The following BTBD9 variants were observed in gnomAD, a reference collection of about 807,000 sequenced individuals.
BTBD9 encodes BTB/POZ domain-containing protein 9.
Under a neutral mutation model 64.3 loss-of-function variants are expected in BTBD9, and 49 were observed. The observed-to-expected ratio is 0.76, with a 90% CI of 0.61 to 0.97. The LOEUF (loss-of-function observed/expected upper bound fraction) is 0.97. Ranked by LOEUF, BTBD9 falls within the 50% of genes least tolerant of loss-of-function variation. BTBD9 has a pLI of 0.00. For synonymous variants in BTBD9, 260 were observed against 274.7 expected (o/e 0.95, Z 0.53); for missense variants, 598 against 762.1 (o/e 0.78, Z 2.53).
intron 6 of BTBD9, among the ~76,000 whole-genome samples, chr6:38,350,481 G>C (rs1764458177): frequency 6.6e-6 from 1 of 152,152 alleles, no homozygotes; most frequent in Non-Finnish European, 1.5e-5. Flanking sequence ...TTAGTTATGT[G>C]ATCACCTAAC....
At chr6:38,283,972 T>G (rs1394078408) in intron 8 of BTBD9, among the ~76,000 whole-genome samples, 3 of 152,212 alleles carry the variant, frequency 2.0e-5, no homozygotes, top group South Asian at 2.1e-4. Flanking sequence ...TAAATGTCTA[T>G]CTGGCCACAT....
chr6:38,288,851 T>G (rs1034290474), intron 7 of BTBD9, among the ~76,000 whole-genome samples: 16 of 152,084 alleles, frequency 1.1e-4, no homozygotes, highest in African/African-American at 3.6e-4. Flanking sequence ...TGCTTGAACC[T>G]GGGAGGCAGA....
At chr6:38,558,289 C>G (rs1562338190) in intron 6 of BTBD9, among the ~76,000 whole-genome samples, 1 of 151,664 alleles carries the variant, frequency 6.6e-6, no homozygotes, top group African/African-American at 2.4e-5. Context: ...GGTCTAGGAG[C>G]CTTTTGGTGG....
At chr6:38,439,373 C>T (rs1285787339) in intron 6 of BTBD9, among the ~76,000 whole-genome samples, 1 of 151,928 alleles carries the variant, frequency 6.6e-6, no homozygotes. Context: ...AGTGATCTGC[C>T]TACCTCGGCC....
chr6:38,615,679 T>C (rs997079556), intron 1 of BTBD9, among the ~76,000 whole-genome samples: 2 of 152,188 alleles, frequency 1.3e-5, no homozygotes, highest in Non-Finnish European at 2.9e-5. Context: ...ATTTCTAACC[T>C]TCTACTCCAT....
At chr6:38,573,710 G>C (rs1274019901) in intron 6 of BTBD9, among the ~76,000 whole-genome samples, 1 of 151,996 alleles carries the variant, frequency 6.6e-6, no homozygotes, top group Non-Finnish European at 1.5e-5. Context: ...ATCCATTTTC[G>C]CTCATGTTCT....
intron 6 of BTBD9, chr6:38,402,970 G>A: frequency 1.6e-6 from 1 of 617,640 alleles, no homozygotes; most frequent in Non-Finnish European, 2.9e-6. Context: ...CTACTCAGCT[G>A]GTTAAGGTGG....
chr6:38,226,969 T>A (rs1401847278), intron 9 of BTBD9, among the ~76,000 whole-genome samples: 1 of 152,240 alleles, frequency 6.6e-6, no homozygotes, highest in East Asian at 1.9e-4. Context: ...ACAGCAGGTT[T>A]ACTCTGGAAG....
rs567210723 is a variant in BTBD9 at position 38,185,858 on chromosome 6, G to A, written c.1641+6661C>T. ...GTGTCTCGCTTCTGTCCTTCAACAC[G>A]CTGTTATGTTCATCCACCTACAGTC... On this transcript the variant is annotated intron_variant, in intron 10 of 10. Transcript: ENST00000481247. Among the ~76,000 whole-genome samples the A allele has an allele frequency of 6.6e-5, 10 of 152,144 alleles. No homozygotes were observed. In the South Asian group the frequency reaches 2.1e-3, roughly 32 times the overall value.
At chr6:38,405,819 T>C (rs537308352) in intron 6 of BTBD9, among the ~76,000 whole-genome samples, 3 of 152,356 alleles carry the variant, frequency 2.0e-5, no homozygotes, top group South Asian at 2.1e-4. Flanking sequence ...CTTCTAGTGT[T>C]GGTCTAAATA....
chr6:38,255,790 T>C (rs2127534492), intron 9 of BTBD9, among the ~76,000 whole-genome samples: 1 of 152,252 alleles, frequency 6.6e-6, no homozygotes, highest in East Asian at 1.9e-4. Context: ...CTGAAGTATG[T>C]ATTGCTTCAG....
Position 38,302,426 on chromosome 6 carries a change from T to G in BTBD9, c.1265-13965A>C, listed in dbSNP as rs955471533. ...TAATTATCTCCAGGTTCTTCCATGT[T>G]GCTGCAAATGACAGCATTTCATTCT... On this transcript the variant is annotated intron_variant, in intron 7 of 10. Coordinates refer to ENST00000481247, the MANE Select transcript of BTBD9 (RefSeq NM_001099272.2). 4.7e-5 allele frequency among the ~76,000 whole-genome samples: 7 copies of G among 149,758 alleles called. No individual in the cohort carries two copies. The Admixed American group carries it at 4.7e-4, about 10-fold the overall frequency.
chr6:38,607,437 C>T (rs1777467433), intron 1 of BTBD9, among the ~76,000 whole-genome samples: 2 of 152,120 alleles, frequency 1.3e-5, no homozygotes, highest in African/African-American at 4.8e-5. Context: ...ATCCAAACTT[C>T]TTAGTAGAAA....
Position 38,367,799 on chromosome 6 carries a change from C to CAAAAAAAAAAAAA in BTBD9, c.1155-22719_1155-22707dup, listed in dbSNP as rs575025737. ...TGCAAGAGTGTTGCACCAGAAATGGCAAAAAAAAAAAAAAAAAAAAAAAAA... is the reference window on the plus strand; with the variant it reads ...TGCAAGAGTGTTGCACCAGAAATGGCAAAAAAAAAAAAAAAAAAAAAAAAAAAAAAAAAAAAAA... On this transcript the variant is annotated intron_variant, in intron 6 of 10. Transcript: ENST00000481247. Among the ~76,000 whole-genome samples the CAAAAAAAAAAAAA allele has an allele frequency of 1.9e-4, 16 of 84,328 alleles. 1 individual carries two copies. Among genetic ancestry groups the CAAAAAAAAAAAAA allele is most frequent in the East Asian group, 1.6e-3 (3 of 1,918 alleles). 55.3% of individuals were successfully genotyped at this position (84,328 alleles called of 152,430 possible).
Position 38,170,490 on chromosome 6 carries a change from C to G in BTBD9, c.*4495G>C, listed in dbSNP as rs1766710685. ...CGCCTCGCCTCTGCAACCGGTCTTT[C>G]CTCCAAGCAAACCTTTTCCGCGCCC... On this transcript the variant is annotated 3_prime_UTR_variant, in exon 11 of 11. Transcript: ENST00000481247. 1 of 152,562 alleles carries G rather than the reference C, an allele frequency of 6.6e-6. No homozygotes were observed. The highest frequency in any genetic ancestry group is 2.4e-5 in the African/African-American group (1 of 41,462). 9.5% of individuals were successfully genotyped at this position (152,562 alleles called of 1,614,324 possible). A position where few individuals can be genotyped will look rare whatever the true frequency, so the allele number is the denominator to read the frequency against.
rs1266727777 is a variant in BTBD9, at chr6:38,374,318, T to C, written c.1155-29225A>G. Among the ~76,000 whole-genome samples the C allele has an allele frequency of 2.3e-4, 26 of 114,254 alleles. 2 individuals carry two copies. The highest frequency in any genetic ancestry group is 8.9e-4 in the East Asian group (4 of 4,506). The allele number at this position is 114,254 out of a possible 152,430, so 75.0% of individuals were successfully genotyped here. A position where few individuals can be genotyped will look rare whatever the true frequency, so the allele number is the denominator to read the frequency against. ...ATATGTATATATATGTATATATATA[T>C]ATATATATGTATATAAAATCTGTAC... On this transcript the variant is annotated intron_variant, in intron 6 of 10. Transcript: ENST00000481247.
chr6:38,183,170 TG>T (rs1256093466), intron 10 of BTBD9, among the ~76,000 whole-genome samples: 1 of 152,090 alleles, frequency 6.6e-6, no homozygotes, highest in African/African-American at 2.4e-5. Context: ...TTAGTAGAGA[TG>T]GGGTTTCACC....
chr6:38,196,779 G>T (rs150130103), intron 9 of BTBD9, among the ~76,000 whole-genome samples: 291 of 152,262 alleles, frequency 1.9e-3, no homozygotes, highest in African/African-American at 6.4e-3. Context: ...TCCAAAACTT[G>T]CCTTGTAGTT....
chr6:38,588,278 C>A, intron 4 of BTBD9: 1 of 929,294 alleles, frequency 1.1e-6, no homozygotes, highest in Non-Finnish European at 1.7e-6. Context: ...GCCTGCTCAG[C>A]TGCCACACAG....
Sources: allele counts gnomAD v4.1 joint callset (sites outside exome capture counted in the v4.1 genomes callset), GRCh38; gene constraint gnomAD v4.1.1; transcripts MANE v1.5; gene names NCBI Gene and HGNC (gene_info 2026-07-23, HGNC 2026-07-21).